KDM6A: variants seen among roughly 807,000 people sequenced by gnomAD.
KDM6A encodes the protein lysine-specific demethylase 6A.
KDM6A carries 11 observed loss-of-function variants against 117.6 expected under a neutral mutation model. The observed-to-expected ratio is 0.09, with a 90% CI of 0.06 to 0.15. KDM6A has a LOEUF of 0.15. Among genes scored for constraint, KDM6A ranks in the 10% least tolerant of loss-of-function variants. The pLI, the probability that KDM6A is intolerant of heterozygous loss-of-function variation, is 1.00. For synonymous variants in KDM6A, 384 were observed against 396.1 expected, an observed-to-expected ratio of 0.97 and a Z score of 0.36; for missense variants, 799 against 1,077.3, an observed-to-expected ratio of 0.74 and a Z score of 3.62.
At chrX:44,975,524 C>A (rs1000946262) in intron 4 of KDM6A, among the ~76,000 whole-genome samples, 7 of 110,660 alleles carry the variant, frequency 6.3e-5, no homozygotes, top group African/African-American at 2.0e-4. Context: ...TTTTTTAAGT[C>A]TTTTGAAAAT....
rs78749806 is a variant in KDM6A, at chrX:45,047,674, C to CTTTTTTT, written c.655-4012_655-4006dup. On this transcript the variant is annotated intron_variant, in intron 8 of 29. Transcript: ENST00000611820. ...TCAAATATCTGCTTGCTTTTTTTTT[C>CTTTTTTT]TTTTTTTTTTTTTTTTTTTTTTTTT... Among the ~76,000 whole-genome samples the CTTTTTTT allele has an allele frequency of 1.0e-3, 38 of 36,358 alleles. 12 individuals are homozygous for CTTTTTTT. Among genetic ancestry groups the CTTTTTTT allele is most frequent in the Non-Finnish European group, 1.6e-3 (31 of 19,605 alleles). 31.6% of individuals were successfully genotyped at this position (36,358 alleles called of 115,157 possible).
At chrX:45,106,088 G>A (rs1206010582) in intron 27 of KDM6A, among the ~76,000 whole-genome samples, 1 of 110,392 alleles carries the variant, frequency 9.1e-6, no homozygotes, top group Non-Finnish European at 1.9e-5. Context: ...GTTGGGGACC[G>A]CTGGTCTAAA....
chrX:44,990,075 G>A (rs765979178), intron 4 of KDM6A, among the ~76,000 whole-genome samples: 2 of 112,099 alleles, frequency 1.8e-5, no homozygotes, highest in South Asian at 3.7e-4. Flanking sequence ...CTGGGGAAAA[G>A]GAAGGCAAAG....
At chrX:44,879,017 T>C (rs2031978998) in intron 2 of KDM6A, among the ~76,000 whole-genome samples, 1 of 111,658 alleles carries the variant, frequency 9.0e-6, no homozygotes, top group East Asian at 2.8e-4. Context: ...CCGCCGCACC[T>C]GGCCAATATC....
chrX:44,875,586 G>C (rs1384821649), intron 2 of KDM6A, among the ~76,000 whole-genome samples: 1 of 106,608 alleles, frequency 9.4e-6, no homozygotes, highest in Non-Finnish European at 1.9e-5. Flanking sequence ...TTTCCAATTT[G>C]AGTATTTAAA....
chrX:45,038,379 T>G (rs973252759), intron 8 of KDM6A, among the ~76,000 whole-genome samples: 1 of 111,613 alleles, frequency 9.0e-6, no homozygotes, highest in Non-Finnish European at 1.9e-5. Flanking sequence ...ATTCTTTTGC[T>G]TTTTCTTAAG....
At chrX:44,879,483 A>G (rs945307831) in intron 2 of KDM6A, among the ~76,000 whole-genome samples, 22 of 112,613 alleles carry the variant, frequency 2.0e-4, no homozygotes, top group African/African-American at 5.5e-4. Flanking sequence ...TTAAGTACTC[A>G]TATTGAAACT....
chrX:44,895,904 AT>A (rs1480834735), intron 2 of KDM6A, among the ~76,000 whole-genome samples: 2 of 103,372 alleles, frequency 1.9e-5, no homozygotes, highest in Non-Finnish European at 3.9e-5. Context: ...TTGATTTTTA[AT>A]GTTTTTGAAT....
In KDM6A at chrX:45,069,974, A is replaced by G. The variant is rs779685124; in HGVS notation, c.2475A>G (p.Leu825=). ...SHGDSKSPGL[L]SSDNPQLSAL... Reference sequence around the variant, plus strand: ...GAGATTCTAAGTCACCAGGTTTACTAAGTTCAGACAATCCTCAGCTCTCTG... The same window carrying G: ...GAGATTCTAAGTCACCAGGTTTACTGAGTTCAGACAATCCTCAGCTCTCTG... Residue 825 remains leucine (L), a synonymous_variant, in exon 18 of 30, where the codon CTA becomes CTG. Transcript: ENST00000611820. 4 of 1,211,864 alleles carry G rather than the reference A, an allele frequency of 3.3e-6. No homozygotes were observed. In the South Asian group the frequency reaches 7.0e-5, roughly 21 times the overall value.
intron 4 of KDM6A, among the ~76,000 whole-genome samples, chrX:44,975,480 G>A (rs1265608677): frequency 9.0e-6 from 1 of 110,743 alleles, no homozygotes; most frequent in Non-Finnish European, 1.9e-5. Flanking sequence ...ACACCGTGTA[G>A]AGGTTTTAGA....
chrX:44,887,666 C>T (rs1204802378), intron 2 of KDM6A, among the ~76,000 whole-genome samples: 1 of 111,106 alleles, frequency 9.0e-6, no homozygotes, highest in Non-Finnish European at 1.9e-5. Context: ...GCACAGTCGC[C>T]ATTAACATAG....
At chrX:44,952,472 C>G (rs1232199947) in intron 2 of KDM6A, among the ~76,000 whole-genome samples, 1 of 110,204 alleles carries the variant, frequency 9.1e-6, no homozygotes, top group Non-Finnish European at 1.9e-5. Context: ...AGGTTTTCAT[C>G]ATGTTGGCCT....
chrX:45,009,573 C>G (rs780934804), intron 4 of KDM6A, among the ~76,000 whole-genome samples: 3 of 111,808 alleles, frequency 2.7e-5, no homozygotes, highest in South Asian at 3.7e-4. Context: ...CACAGTCTTA[C>G]GTTACCCAGC....
At chrX:45,070,381 A>C (rs1056688614) in intron 18 of KDM6A, 24 bp downstream of exon 18, 1 of 1,190,024 alleles carries the variant, frequency 8.4e-7, no homozygotes, top group Admixed American at 2.2e-5. Context: ...AGTTCATCAA[A>C]GTGAAAATGT....
At chrX:44,974,287 T>A (rs2039510470) in intron 3 of KDM6A, among the ~76,000 whole-genome samples, 1 of 111,732 alleles carries the variant, frequency 8.9e-6, no homozygotes, top group Non-Finnish European at 1.9e-5. Flanking sequence ...ATATCTTAGC[T>A]TGTGAATTGT....
chrX:44,983,519 C>G (rs939538968), intron 4 of KDM6A, among the ~76,000 whole-genome samples: 1 of 108,813 alleles, frequency 9.2e-6, no homozygotes, highest in African/African-American at 3.4e-5. Flanking sequence ...CCCATTAACT[C>G]GTCATTTAAC....
intron 2 of KDM6A, among the ~76,000 whole-genome samples, chrX:44,911,399 C>T (rs1431300108): frequency 2.8e-5 from 3 of 106,640 alleles, no homozygotes; most frequent in Non-Finnish European, 3.9e-5. Flanking sequence ...GGGTCGCGGC[C>T]GGGCAGAGGC....
At chrX:44,983,026 C>A (rs1380334278) in intron 4 of KDM6A, among the ~76,000 whole-genome samples, 1 of 111,810 alleles carries the variant, frequency 8.9e-6, no homozygotes, top group Non-Finnish European at 1.9e-5. Flanking sequence ...ATTGCTTAAC[C>A]TGAATTTTTT....
chrX:45,058,868 C>A, intron 10 of KDM6A, 138 bp from the exon 11 acceptor site: 2 of 520,104 alleles, frequency 3.8e-6, no homozygotes, highest in Non-Finnish European at 3.4e-6. Flanking sequence ...TATATACATA[C>A]ATACACATAA....
Sources: gnomAD v4.1 joint callset for allele counts (sites outside exome capture counted in the v4.1 genomes callset) on GRCh38, gnomAD v4.1.1 for gene constraint, MANE v1.5 for transcripts, NCBI Gene and HGNC (gene_info 2026-07-23, HGNC 2026-07-21) for gene names.